Variants in CASD1 observed in about 807,000 individuals in gnomAD.
CASD1 encodes N-acetylneuraminate (7)9-O-acetyltransferase.
Under a neutral mutation model 100.0 loss-of-function variants are expected in CASD1, and 41 were observed. The observed-to-expected ratio is 0.41, with a 90% CI of 0.32 to 0.53. The LOEUF (loss-of-function observed/expected upper bound fraction) is 0.53, where lower values mean the gene tolerates loss of function less well. Ranked by LOEUF, CASD1 falls within the 20% of genes least tolerant of loss-of-function variation. The pLI is 0.25. For missense variants in CASD1, 774 were observed against 948.7 expected, an observed-to-expected ratio of 0.82 and a Z score of 2.42; for synonymous variants, 321 against 315.6, an observed-to-expected ratio of 1.02 and a Z score of -0.18.
At chr7:94,520,814 G>A (rs745866502) in intron 3 of CASD1, among the ~76,000 whole-genome samples, 8 of 151,942 alleles carry the variant, frequency 5.3e-5, no homozygotes, top group East Asian at 3.9e-4. Context: ...AAATAAGGCC[G>A]GGTGTGGTGG....
the CASD1 span, among the ~76,000 whole-genome samples, chr7:94,630,696 T>A: frequency 1.3e-5 from 2 of 151,958 alleles, no homozygotes; most frequent in Non-Finnish European, 2.9e-5. Context: ...GTTACTCTTG[T>A]CACTTCTACG....
At chr7:94,600,895 G>T in the CASD1 span, 2 of 1,481,208 alleles carry the variant, frequency 1.4e-6, no homozygotes, top group Non-Finnish European at 1.9e-6. Flanking sequence ...CAAATTAATC[G>T]TTGCAAACAT....
At chr7:94,608,763 A>C in the CASD1 span, among the ~76,000 whole-genome samples, 3 of 152,198 alleles carry the variant, frequency 2.0e-5, no homozygotes, top group Non-Finnish European at 1.5e-5. Flanking sequence ...TTAGAAATAG[A>C]CCCACATAAA....
At chr7:94,558,041 A>T (rs573580110), downstream of CASD1, among the ~76,000 whole-genome samples, 18 of 152,270 alleles carry the variant, frequency 1.2e-4, no homozygotes, top group African/African-American at 4.3e-4. Flanking sequence ...ATTTTTCTGT[A>T]ATAGAAATCA....
chr7:94,594,700 C>T, the CASD1 span, among the ~76,000 whole-genome samples: 1 of 152,048 alleles, frequency 6.6e-6, no homozygotes, highest in Non-Finnish European at 1.5e-5. Flanking sequence ...CTGGCTGAGG[C>T]GTATCTGGGA....
the CASD1 span, among the ~76,000 whole-genome samples, chr7:94,584,121 A>C: frequency 6.6e-6 from 1 of 152,244 alleles, no homozygotes; most frequent in Non-Finnish European, 1.5e-5. Flanking sequence ...TGCAATCTCC[A>C]AATGGCTTCT....
chr7:94,618,701 T>C, the CASD1 span: 7 of 1,424,192 alleles, frequency 4.9e-6, no homozygotes, highest in Non-Finnish European at 3.0e-6. Context: ...ATAAGTTTGA[T>C]AAGATCACCG....
At chr7:94,522,882 C>A (rs376998223) in intron 3 of CASD1, among the ~76,000 whole-genome samples, 2 of 152,054 alleles carry the variant, frequency 1.3e-5, no homozygotes, top group Non-Finnish European at 2.9e-5. Context: ...AGGATGGTCT[C>A]GATCTCCTGA....
At chr7:94,595,704 G>GT in the CASD1 span, among the ~76,000 whole-genome samples, 1 of 152,014 alleles carries the variant, frequency 6.6e-6, no homozygotes, top group African/African-American at 2.4e-5. Context: ...TGTTTTTCTG[G>GT]TAAAAAGTAA....
chr7:94,596,630 G>A, the CASD1 span, among the ~76,000 whole-genome samples: 1 of 151,858 alleles, frequency 6.6e-6, no homozygotes, highest in Non-Finnish European at 1.5e-5. Flanking sequence ...TACAGTACTC[G>A]ATAACCAGGT....
chr7:94,517,505 C>CGATGTGTAAAATTTTA, intron 1 of CASD1, 55 bp from the exon 2 acceptor site: 1 of 1,085,002 alleles, frequency 9.2e-7, no homozygotes, highest in Non-Finnish European at 1.4e-6. Flanking sequence ...TCAAGATAGC[C>CGATGTGTAAAATTTTA]GATGTGTAAA....
At chr7:94,520,777 G>A (rs1794221315) in intron 3 of CASD1, among the ~76,000 whole-genome samples, 1 of 152,114 alleles carries the variant, frequency 6.6e-6, no homozygotes, top group Non-Finnish European at 1.5e-5. Context: ...CCAACATGGT[G>A]AAACCCCATC....
At chr7:94,531,936 TATA>T (rs1199224294) in intron 5 of CASD1, among the ~76,000 whole-genome samples, 1 of 152,122 alleles carries the variant, frequency 6.6e-6, no homozygotes, top group Admixed American at 6.6e-5. Flanking sequence ...ATAAGAGATG[TATA>T]ATATCATCTT....
downstream of CASD1, among the ~76,000 whole-genome samples, chr7:94,561,694 C>T (rs769534259): frequency 7.9e-5 from 12 of 151,974 alleles, no homozygotes; most frequent in Non-Finnish European, 1.2e-4. Context: ...TAAAAGATGT[C>T]ACTCCTACAC....
intron 2 of CASD1, 88 bp from the exon 3 acceptor site, chr7:94,518,115 G>C: frequency 2.3e-6 from 3 of 1,290,932 alleles, no homozygotes; most frequent in Non-Finnish European, 3.1e-6. Flanking sequence ...TAACAATCTG[G>C]ATCAACTTTC....
At chr7:94,531,267 A>G (rs1794837470) in intron 5 of CASD1, among the ~76,000 whole-genome samples, 1 of 152,146 alleles carries the variant, frequency 6.6e-6, no homozygotes, top group South Asian at 2.1e-4. Flanking sequence ...TAGCTCCAGA[A>G]GTGAAAAGGG....
At chr7:94,626,574 T>A in the CASD1 span, 2 of 152,056 alleles carry the variant, frequency 1.3e-5, no homozygotes, top group South Asian at 4.1e-4. Flanking sequence ...TTTATAATGA[T>A]CTCACAGTTC....
chr7:94,592,321 A>C, the CASD1 span, among the ~76,000 whole-genome samples: 7 of 152,214 alleles, frequency 4.6e-5, no homozygotes, highest in Admixed American at 1.3e-4. Context: ...ATGCAGGAAG[A>C]AAGTGGCAAA....
At chr7:94,567,857 G>A in the CASD1 span, among the ~76,000 whole-genome samples, 1 of 152,062 alleles carries the variant, frequency 6.6e-6, no homozygotes, top group African/African-American at 2.4e-5. Flanking sequence ...ACTACACACA[G>A]CCAGTCTTAC....
Sources: gnomAD v4.1 joint callset for allele counts (sites outside exome capture counted in the v4.1 genomes callset) on GRCh38, gnomAD v4.1.1 for gene constraint, MANE v1.5 for transcripts, NCBI Gene and HGNC (gene_info 2026-07-23, HGNC 2026-07-21) for gene names.